Variants in RPH3A observed in about 807,000 individuals in gnomAD.
The protein encoded by RPH3A is rabphilin 3A, also known as rabphilin-3A.
A neutral mutation model predicts 102.2 loss-of-function variants in RPH3A; 48 were observed. The observed-to-expected ratio is 0.47, with a 90% CI of 0.37 to 0.60. RPH3A has a LOEUF of 0.60. Ranked by LOEUF, RPH3A falls within the 20% of genes least tolerant of loss-of-function variation. The pLI is 0.00. For synonymous variants in RPH3A, 310 were observed against 324.3 expected, an observed-to-expected ratio of 0.96 and a Z score of 0.47; for missense variants, 781 against 910.1, an observed-to-expected ratio of 0.86 and a Z score of 1.83.
chr12:112,652,864 G>A (rs1051972901), intron 1 of RPH3A, among the ~76,000 whole-genome samples: 3 of 152,178 alleles, frequency 2.0e-5, no homozygotes, highest in African/African-American at 7.2e-5. Context: ...TCTGAGAAAT[G>A]CACCTTTAGG....
rs986865161 is a variant in RPH3A at position 112,750,418 on chromosome 12, T to C, written c.-139-41725T>C. Among the ~76,000 whole-genome samples the C allele has an allele frequency of 4.6e-5, 7 of 152,276 alleles. No homozygotes were observed. In the South Asian group the frequency reaches 6.2e-4, roughly 14 times the overall value. ...GAGGACAACTGGAGCTTAATCCCAC[T>C]GGGCAAACCTGAGAGCCACTGTAGA... On this transcript the variant is annotated intron_variant, in intron 1 of 21. Coordinates refer to the RPH3A transcript ENST00000543106.
intron 1 of RPH3A, among the ~76,000 whole-genome samples, chr12:112,684,464 T>C (rs1566257922): frequency 6.6e-6 from 1 of 152,024 alleles, no homozygotes; most frequent in Non-Finnish European, 1.5e-5. Flanking sequence ...GACAGGGTTA[T>C]GCCATGTTGG....
intron 1 of RPH3A, among the ~76,000 whole-genome samples, chr12:112,628,570 A>C (rs957560999): frequency 4.0e-4 from 4 of 9,910 alleles, no homozygotes; most frequent in African/African-American, 2.1e-3. Flanking sequence ...CTTTACCACA[A>C]AAAAAAAAAA....
chr12:112,823,235 G>A (rs1191591251), intron 2 of RPH3A, among the ~76,000 whole-genome samples: 8 of 152,250 alleles, frequency 5.3e-5, no homozygotes, highest in African/African-American at 1.9e-4. Context: ...AAGCCCAGGG[G>A]CAATGAACGG....
In RPH3A at chr12:112,754,277, C is replaced by CTG. The variant is rs1045883986; in HGVS notation, c.-139-37854_-139-37853dup. ...TCATCTGTAAAATGAACACCCTCTT[C>CTG]TGTGTGTGTGTGTTTTTAAACAACT... On this transcript the variant is annotated intron_variant, in intron 1 of 21. Transcript: ENST00000543106. 3.3e-5 allele frequency among the ~76,000 whole-genome samples: 5 copies of CTG among 152,146 alleles called. 1 individual carries two copies. The highest frequency in any genetic ancestry group is 4.1e-4 in the South Asian group (2 of 4,820).
intron 1 of RPH3A, among the ~76,000 whole-genome samples, chr12:112,682,762 C>T (rs2040236395): frequency 6.6e-6 from 1 of 152,164 alleles, no homozygotes; most frequent in African/African-American, 2.4e-5. Context: ...GACATACATT[C>T]CCAGGAACAA....
chr12:112,721,509 A>G (rs2040550584), intron 1 of RPH3A, among the ~76,000 whole-genome samples: 3 of 152,234 alleles, frequency 2.0e-5, no homozygotes. Flanking sequence ...TCTATTAGAA[A>G]ACATTAATGT....
intron 1 of RPH3A, among the ~76,000 whole-genome samples, chr12:112,695,397 T>A (rs2040342704): frequency 6.6e-6 from 1 of 152,150 alleles, no homozygotes; most frequent in African/African-American, 2.4e-5. Context: ...TAAGCACATT[T>A]AAAAAAATCT....
intron 1 of RPH3A, among the ~76,000 whole-genome samples, chr12:112,616,375 G>A (rs1399726832): frequency 6.6e-6 from 1 of 152,164 alleles, no homozygotes; most frequent in Non-Finnish European, 1.5e-5. Flanking sequence ...TCGAACTCCT[G>A]ACCTCAAGTG....
At chr12:112,868,635 A>G (rs1368962680) in intron 8 of RPH3A, 40 bp downstream of exon 8, 4 of 1,592,062 alleles carry the variant, frequency 2.5e-6, no homozygotes, top group African/African-American at 1.3e-5. Context: ...CCAAGGACAG[A>G]TCTTAGCCAA....
intron 8 of RPH3A, chr12:112,869,502 T>C (rs941198210): frequency 8.9e-6 from 4 of 448,368 alleles, no homozygotes; most frequent in Non-Finnish European, 1.6e-5. Flanking sequence ...TTCCTAGTTC[T>C]TCTAGGCTGA....
At chr12:112,753,636 C>T (rs2040800863) in intron 1 of RPH3A, among the ~76,000 whole-genome samples, 1 of 152,144 alleles carries the variant, frequency 6.6e-6, no homozygotes, top group African/African-American at 2.4e-5. Flanking sequence ...TCTTGTTAGA[C>T]CCAGGAAGGC....
intron 10 of RPH3A, among the ~76,000 whole-genome samples, chr12:112,871,372 G>A (rs913146236): frequency 6.6e-6 from 1 of 152,072 alleles, no homozygotes; most frequent in African/African-American, 2.4e-5. Flanking sequence ...CCAGCCCCTG[G>A]TAACCACTCT....
intron 1 of RPH3A, among the ~76,000 whole-genome samples, chr12:112,587,784 G>C (rs146526703): frequency 1.3e-5 from 2 of 152,148 alleles, no homozygotes; most frequent in Admixed American, 1.3e-4. Flanking sequence ...TTTAGTGCAC[G>C]GAAAATTTAC....
chr12:112,710,212 G>A (rs539021013), intron 1 of RPH3A, among the ~76,000 whole-genome samples: 27 of 152,244 alleles, frequency 1.8e-4, no homozygotes, highest in African/African-American at 6.5e-4. Context: ...TCCTGACCTC[G>A]TGATCCGCCT....
At chr12:112,680,211 G>C (rs1279253803) in intron 1 of RPH3A, among the ~76,000 whole-genome samples, 1 of 152,154 alleles carries the variant, frequency 6.6e-6, no homozygotes, top group Non-Finnish European at 1.5e-5. Flanking sequence ...AAGAAGTTGG[G>C]ATTTAATTTT....
rs76192840 is a variant in RPH3A at position 112,586,423 on chromosome 12, G to A, written c.-140+11104G>A. The stretch of plus-strand genomic sequence containing the variant: ...GGGGGATGTCAGGCCATCTGAAAAG[G>A]CATTTGAGTAAGGACCTGGATGCAG... On this transcript the variant is annotated intron_variant, in intron 1 of 21. Coordinates refer to the RPH3A transcript ENST00000543106. Among the ~76,000 whole-genome samples, 175 of 152,256 alleles carry A rather than the reference G, an allele frequency of 1.1e-3. 4 individuals carry two copies. The East Asian group carries it at 0.031, about 27-fold the overall frequency.
At position 112,713,003 on chromosome 12, in the gene RPH3A, TCCTCTTCCTCTTCCTCTTCC is replaced by T. The variant is rs1565857105; in HGVS notation, c.-139-79139_-139-79120del. Among the ~76,000 whole-genome samples, 9 of 75,786 alleles carry T rather than the reference TCCTCTTCCTCTTCCTCTTCC, an allele frequency of 1.2e-4. 1 individual carries two copies. The highest frequency in any genetic ancestry group is 7.0e-4 in the East Asian group (2 of 2,844). The allele number at this position is 75,786 out of a possible 152,430, so 49.7% of individuals were successfully genotyped here. A position where few individuals can be genotyped will look rare whatever the true frequency, so the allele number is the denominator to read the frequency against. Reference sequence around the variant, plus strand: ...TTCTTCGTCGTCTTTGTCTTCCTCTTCCTCTTCCTCTTCCTCTTCCTCTTCTTCTTCTTCTTCTTCTTCTT... The same window carrying T: ...TTCTTCGTCGTCTTTGTCTTCCTCTTTCTTCTTCTTCTTCTTCTTCTTCTT... On this transcript the variant is annotated intron_variant, in intron 1 of 21. Transcript: ENST00000543106.
chr12:112,666,570 G>A (rs1015168257), intron 1 of RPH3A, among the ~76,000 whole-genome samples: 1 of 152,152 alleles, frequency 6.6e-6, no homozygotes, highest in African/African-American at 2.4e-5. Flanking sequence ...GGGGAAATAA[G>A]CGGCAGGAAG....
Sources: allele counts gnomAD v4.1 joint callset (sites outside exome capture counted in the v4.1 genomes callset), GRCh38; gene constraint gnomAD v4.1.1; transcripts MANE v1.5; gene names NCBI Gene and HGNC (gene_info 2026-07-23, HGNC 2026-07-21).